Variants in B3GALNT2 observed in about 807,000 individuals in gnomAD.
B3GALNT2 encodes the protein beta-1,3-N-acetylgalactosaminyltransferase 2.
B3GALNT2 carries 53 observed loss-of-function variants against 61.1 expected under a neutral mutation model. The ratio of observed to expected loss-of-function variants is 0.87; its 90% CI spans 0.70 to 1.09. The LOEUF is 1.09. Among genes scored for constraint, B3GALNT2 ranks in the 50% least tolerant of loss-of-function variants. B3GALNT2 has a pLI of 0.00. For missense variants in B3GALNT2, 544 were observed against 623.0 expected (o/e 0.87, Z 1.35); for synonymous variants, 223 against 237.4 (o/e 0.94, Z 0.56).
chr1:235,488,324 C>A (rs1200505059), intron 3 of B3GALNT2, among the ~76,000 whole-genome samples: 2 of 152,026 alleles, frequency 1.3e-5, no homozygotes, highest in African/African-American at 4.8e-5. Flanking sequence ...AAAATAAAGT[C>A]TCCTGGATCC....
At position 235,448,873 on chromosome 1, in the gene B3GALNT2, T is replaced by C. The variant is rs911533241; in HGVS notation, c.*1333A>G. ...TGTCAAAACAAAGGGGGTTTACAAC[T>C]TGTCCTAAGTATAACAAGGGATGTA... is the stretch of plus-strand genomic sequence containing the variant. On this transcript the variant is annotated 3_prime_UTR_variant, in exon 12 of 12. Coordinates refer to ENST00000366600, the MANE Select transcript of B3GALNT2 (RefSeq NM_152490.5). 7 of 821,210 alleles carry C rather than the reference T, an allele frequency of 8.5e-6. No individual in the cohort carries two copies. The highest frequency in any genetic ancestry group is 1.4e-5 in the Non-Finnish European group (7 of 489,960). The allele number at this position is 821,210 out of a possible 1,614,324, so 50.9% of individuals were successfully genotyped here. A position where few individuals can be genotyped will look rare whatever the true frequency, so the allele number is the denominator to read the frequency against.
intron 5 of B3GALNT2, chr1:235,479,606 T>C (rs1684460508): frequency 6.4e-6 from 1 of 157,400 alleles, no homozygotes; most frequent in Non-Finnish European, 1.4e-5. Flanking sequence ...TGTTCACCCT[T>C]TGGAGAAATT....
At chr1:235,466,206 A>AT (rs946227086) in intron 6 of B3GALNT2, among the ~76,000 whole-genome samples, 7 of 149,044 alleles carry the variant, frequency 4.7e-5, no homozygotes, top group African/African-American at 1.5e-4. Context: ...TTAAAAAAAA[A>AT]TTTTTTTTTA....
In B3GALNT2 at chr1:235,453,494, C is replaced by T. The variant is rs150562939; in HGVS notation, c.1312-348G>A. Among the ~76,000 whole-genome samples the T allele has an allele frequency of 8.3e-3, 1,260 of 151,594 alleles. 14 individuals are homozygous for T. Among genetic ancestry groups the T allele is most frequent in the African/African-American group, 0.029 (1,210 of 41,290 alleles). On this transcript the variant is annotated intron_variant, in intron 10 of 11. Coordinates refer to ENST00000366600, the MANE Select transcript of B3GALNT2 (RefSeq NM_152490.5). ...TTTTTGAGACAGAGTGTCCCTCTGTCGCCCAGGCTGGCATGCAGTGGCGCA... is the reference window on the plus strand; with the variant it reads ...TTTTTGAGACAGAGTGTCCCTCTGTTGCCCAGGCTGGCATGCAGTGGCGCA...
At position 235,462,446 on chromosome 1, in the gene B3GALNT2, C is replaced by A. The variant is rs188640613; in HGVS notation, c.841+3190G>T. Among the ~76,000 whole-genome samples, 9 of 152,176 alleles carry A rather than the reference C, an allele frequency of 5.9e-5. No individual in the cohort carries two copies. In the East Asian group the frequency reaches 1.5e-3, roughly 26 times the overall value. ...CTCTCTCTTCTTACAGATGAAATGACCTTGCATGTAGAAAATCATAAGGTC... is the reference window on the plus strand; with the variant it reads ...CTCTCTCTTCTTACAGATGAAATGAACTTGCATGTAGAAAATCATAAGGTC... On this transcript the variant is annotated intron_variant, in intron 7 of 11. Coordinates refer to ENST00000366600, the MANE Select transcript of B3GALNT2 (RefSeq NM_152490.5).
At position 235,504,258 on chromosome 1, in the gene B3GALNT2, G is replaced by A. The variant is rs924905306; in HGVS notation, c.-6C>T. The A allele has an allele frequency of 6.7e-6, 10 of 1,485,214 alleles. No individual in the cohort carries two copies. Among genetic ancestry groups the A allele is most frequent in the Middle Eastern group, 2.3e-4 (1 of 4,436 alleles). The allele number at this position is 1,485,214 out of a possible 1,614,324, so 92.0% of individuals were successfully genotyped here. A position where few individuals can be genotyped will look rare whatever the true frequency, so the allele number is the denominator to read the frequency against. ...AGCACCAGCCAGTTTCGCATTGGCC[G>A]CCCCCGCCGCGAGCCGGGCTCTCCC... is the stretch of plus-strand genomic sequence containing the variant. On this transcript the variant is annotated 5_prime_UTR_variant, in exon 1 of 12. Transcript: ENST00000366600.
chr1:235,461,641 C>T (rs1027956139), intron 7 of B3GALNT2, among the ~76,000 whole-genome samples: 5 of 150,374 alleles, frequency 3.3e-5, no homozygotes, highest in South Asian at 2.1e-4. Flanking sequence ...CTGAGCCTCT[C>T]GAGTAGCTAG....
chr1:235,480,103 T>G lies in B3GALNT2; in HGVS notation c.602A>C (p.Gln201Pro), dbSNP rs1372895091. 1.9e-6 allele frequency: 3 copies of G among 1,613,804 alleles called. No homozygotes were observed. In the East Asian group the frequency reaches 6.7e-5, roughly 36 times the overall value. ...GGGCTTGTACCACAGCTTGTTCACC[T>G]GCACACCACAGCTTGGAGGACTGAA... ...ARFSPPSCGV[Q>P]VNKLWYKPVE... The change falls in exon 5 of 12, where the codon CAG (glutamine) becomes CCG (proline). Residue 201 changes from glutamine (Q) to proline (P), a missense_variant. Coordinates refer to ENST00000366600, the MANE Select transcript of B3GALNT2 (RefSeq NM_152490.5).
intron 11 of B3GALNT2, chr1:235,450,671 G>T (rs1260191955): frequency 3.1e-5 from 8 of 255,774 alleles, no homozygotes; most frequent in Admixed American, 1.4e-4. Context: ...GGCAGTATTA[G>T]TAACAGCTAT....
At chr1:235,472,616 C>T (rs1023542269) in intron 5 of B3GALNT2, among the ~76,000 whole-genome samples, 1 of 152,160 alleles carries the variant, frequency 6.6e-6, no homozygotes, top group African/African-American at 2.4e-5. Flanking sequence ...CACTGCATCC[C>T]CAGCATCGAG....
downstream of B3GALNT2, among the ~76,000 whole-genome samples, chr1:235,446,847 G>A (rs1275061513): frequency 6.6e-6 from 1 of 151,888 alleles, no homozygotes; most frequent in African/African-American, 2.4e-5. Context: ...GCTATGCTTG[G>A]CTAATTTTTT....
rs1340025533 is a variant in B3GALNT2, at chr1:235,448,555, G to GTTTGA, written c.*1646_*1650dup. 13 of 1,395,252 alleles carry GTTTGA rather than the reference G, an allele frequency of 9.3e-6. No individual in the cohort carries two copies. Among genetic ancestry groups the GTTTGA allele is most frequent in the Non-Finnish European group, 1.3e-5 (13 of 981,334 alleles). 86.4% of individuals were successfully genotyped at this position (1,395,252 alleles called of 1,614,324 possible). ...CTAAATGGAGACCATGGGTCTGTTT[G>GTTTGA]TTTGATTTTAAGGGTAAGCTACTGC... On this transcript the variant is annotated 3_prime_UTR_variant, in exon 12 of 12. Coordinates refer to ENST00000366600, the MANE Select transcript of B3GALNT2 (RefSeq NM_152490.5).
chr1:235,440,547 C>T, the B3GALNT2 span, among the ~76,000 whole-genome samples: 1 of 152,078 alleles, frequency 6.6e-6, no homozygotes, highest in Admixed American at 6.6e-5. Flanking sequence ...CGTCTGCCAC[C>T]ATGCCCGGCT....
At chr1:235,478,094 G>A (rs1684370527) in intron 5 of B3GALNT2, among the ~76,000 whole-genome samples, 2 of 152,046 alleles carry the variant, frequency 1.3e-5, no homozygotes, top group Admixed American at 6.6e-5. Flanking sequence ...TCTCTCTGTG[G>A]CCCAGGCTGG....
At chr1:235,478,815 C>A (rs1684421988) in intron 5 of B3GALNT2, 2 of 152,220 alleles carry the variant, frequency 1.3e-5, no homozygotes, top group Admixed American at 1.3e-4. Flanking sequence ...AACTATAACA[C>A]ATAGAAGCAA....
At chr1:235,459,955 G>A (rs1415101673) in intron 7 of B3GALNT2, among the ~76,000 whole-genome samples, 1 of 151,836 alleles carries the variant, frequency 6.6e-6, no homozygotes, top group African/African-American at 2.4e-5. Flanking sequence ...TACCACGCCC[G>A]GCTAATTTTT....
chr1:235,493,181 T>G (rs1253850355), intron 2 of B3GALNT2, among the ~76,000 whole-genome samples: 2 of 151,970 alleles, frequency 1.3e-5, no homozygotes, highest in African/African-American at 2.4e-5. Context: ...GAAGTCAGAT[T>G]CTGGGTATGG....
intron 1 of B3GALNT2, among the ~76,000 whole-genome samples, chr1:235,495,793 T>C (rs1231610092): frequency 6.6e-6 from 1 of 152,120 alleles, no homozygotes; most frequent in Non-Finnish European, 1.5e-5. Context: ...TTTCCAAAAA[T>C]AAATTATTGA....
intron 7 of B3GALNT2, among the ~76,000 whole-genome samples, chr1:235,462,600 AAC>A (rs1683486680): frequency 6.6e-6 from 1 of 152,242 alleles, no homozygotes; most frequent in Non-Finnish European, 1.5e-5. Context: ...AAATTAGAAA[AAC>A]AATTCCACTT....
Sources: gnomAD v4.1 joint callset for allele counts (sites outside exome capture counted in the v4.1 genomes callset) on GRCh38, gnomAD v4.1.1 for gene constraint, MANE v1.5 for transcripts, NCBI Gene and HGNC (gene_info 2026-07-23, HGNC 2026-07-21) for gene names.